Variants in ALK observed in about 807,000 individuals in gnomAD.
ALK encodes the protein ALK tyrosine kinase receptor.
A neutral mutation model predicts 163.1 loss-of-function variants in ALK; 74 were observed. That is an observed-to-expected ratio of 0.45 (90% confidence interval 0.38 to 0.55). The LOEUF (loss-of-function observed/expected upper bound fraction) is 0.55. ALK is among the 20% of genes least tolerant of loss of function. The pLI is 0.00. For missense variants in ALK, 2,063 were observed against 2,105.3 expected (o/e 0.98, Z 0.39); for synonymous variants, 960 against 843.2 (o/e 1.14, Z -2.40).
At chr2:29,855,290 G>A (rs1666111610) in intron 1 of ALK, among the ~76,000 whole-genome samples, 1 of 152,090 alleles carries the variant, frequency 6.6e-6, no homozygotes, top group South Asian at 2.1e-4. Flanking sequence ...AAGGCTCTTA[G>A]GTTAAGAGAC....
At chr2:29,414,154 T>C (rs987604374) in intron 4 of ALK, among the ~76,000 whole-genome samples, 7 of 152,364 alleles carry the variant, frequency 4.6e-5, no homozygotes, top group African/African-American at 1.7e-4. Context: ...AACTTCATTA[T>C]AGTCTTATGG....
chr2:29,576,435 C>T (rs745333756), intron 3 of ALK, among the ~76,000 whole-genome samples: 1 of 152,350 alleles, frequency 6.6e-6, no homozygotes, highest in Middle Eastern at 3.4e-3. Flanking sequence ...GGCAAATGCC[C>T]TCAACTGTCA....
At chr2:29,752,385 T>C (rs1369598500) in intron 1 of ALK, among the ~76,000 whole-genome samples, 1 of 147,380 alleles carries the variant, frequency 6.8e-6, no homozygotes, top group Non-Finnish European at 1.5e-5. Flanking sequence ...AGTTTCGCTC[T>C]GTCGCCCAGG....
intron 1 of ALK, among the ~76,000 whole-genome samples, chr2:29,814,373 G>A (rs761259828): frequency 1.3e-5 from 2 of 151,882 alleles, no homozygotes; most frequent in Non-Finnish European, 2.9e-5. Context: ...AGTCAGGCAT[G>A]ACCAAGGCCG....
At chr2:29,412,429 G>A (rs1669747011) in intron 4 of ALK, among the ~76,000 whole-genome samples, 1 of 152,110 alleles carries the variant, frequency 6.6e-6, no homozygotes, top group Admixed American at 6.6e-5. Flanking sequence ...TCCAGCTCTA[G>A]TCTGCACCAT....
In ALK at chr2:29,421,828, A is replaced by G. The variant is rs975440075; in HGVS notation, c.1155-37969T>C. On this transcript the variant is annotated intron_variant, in intron 4 of 28. Coordinates refer to ENST00000389048, the MANE Select transcript of ALK (RefSeq NM_004304.5). The stretch of plus-strand genomic sequence containing the variant: ...AGTGGGGATAAAGAAGAACCCTTGA[A>G]TTTAAACCTTCCTCCAGAGCCCCAT... Among the ~76,000 whole-genome samples the G allele has an allele frequency of 9.2e-5, 14 of 151,660 alleles. 1 individual carries two copies. Among genetic ancestry groups the G allele is most frequent in the African/African-American group, 3.4e-4 (14 of 40,910 alleles).
intron 3 of ALK, among the ~76,000 whole-genome samples, chr2:29,569,680 G>A (rs1674299496): frequency 6.6e-6 from 1 of 152,166 alleles, no homozygotes; most frequent in Non-Finnish European, 1.5e-5. Context: ...GGCACCAGAG[G>A]GCTCTGGTGG....
chr2:29,613,090 T>C (rs1675740605), intron 3 of ALK, among the ~76,000 whole-genome samples: 1 of 152,240 alleles, frequency 6.6e-6, no homozygotes, highest in South Asian at 2.1e-4. Flanking sequence ...TCATGAATTC[T>C]AGTCCTATTT....
chr2:29,844,859 GCA>G (rs34706620), intron 1 of ALK, among the ~76,000 whole-genome samples: 3,816 of 148,706 alleles, frequency 0.026, 164 homozygotes, highest in African/African-American at 0.083. Context: ...TAACCCCCCT[GCA>G]CACACACACA....
intron 3 of ALK, among the ~76,000 whole-genome samples, chr2:29,597,088 A>G (rs896565398): frequency 3.3e-5 from 5 of 151,994 alleles, no homozygotes; most frequent in African/African-American, 1.2e-4. Context: ...AAAAAATAGC[A>G]CTCCCTCAGA....
chr2:29,556,019 G>C (rs997184247), intron 3 of ALK, among the ~76,000 whole-genome samples: 2 of 152,206 alleles, frequency 1.3e-5, no homozygotes, highest in Non-Finnish European at 2.9e-5. Flanking sequence ...CAAGAGGCTG[G>C]ATTTGAAATC....
At chr2:29,292,664 T>C (rs1333098950) in intron 9 of ALK, among the ~76,000 whole-genome samples, 1 of 152,230 alleles carries the variant, frequency 6.6e-6, no homozygotes, top group Non-Finnish European at 1.5e-5. Flanking sequence ...TTTATCTGTA[T>C]TCAGAGGACA....
chr2:29,213,374 T>C (rs1212129375), intron 24 of ALK, among the ~76,000 whole-genome samples: 2 of 152,222 alleles, frequency 1.3e-5, no homozygotes, highest in Non-Finnish European at 2.9e-5. Flanking sequence ...CAGAGTATTT[T>C]AGAAAAAATT....
intron 5 of ALK, among the ~76,000 whole-genome samples, chr2:29,372,368 G>A (rs1007566496): frequency 1.3e-5 from 2 of 152,178 alleles, no homozygotes; most frequent in Non-Finnish European, 2.9e-5. Flanking sequence ...TCACTTCACC[G>A]ATCCTGAGTT....
In ALK at chr2:29,443,430, G is replaced by A. The variant is rs566404536; in HGVS notation, c.1155-59571C>T. Among the ~76,000 whole-genome samples, 9 of 152,284 alleles carry A rather than the reference G, an allele frequency of 5.9e-5. No individual in the cohort carries two copies. The South Asian group carries it at 1.2e-3, about 21-fold the overall frequency. On this transcript the variant is annotated intron_variant, in intron 4 of 28. Coordinates refer to ENST00000389048, the MANE Select transcript of ALK (RefSeq NM_004304.5). Reference sequence around the variant, plus strand: ...TTCTGCTGCCGCCCAGGAGTGCCCCGTATGTAAGGCCAAATAAACTCATCT... The same window carrying A: ...TTCTGCTGCCGCCCAGGAGTGCCCCATATGTAAGGCCAAATAAACTCATCT...
chr2:29,255,809 G>T (rs771101502), intron 11 of ALK, among the ~76,000 whole-genome samples: 2 of 152,118 alleles, frequency 1.3e-5, no homozygotes, highest in Non-Finnish European at 2.9e-5. Context: ...TGCATAAGGG[G>T]ACTCTTGTTA....
intron 3 of ALK, among the ~76,000 whole-genome samples, chr2:29,661,268 A>C (rs1677338081): frequency 6.6e-6 from 1 of 152,172 alleles, no homozygotes; most frequent in South Asian, 2.1e-4. Flanking sequence ...GTCTGACTTC[A>C]CTGTCTCCAG....
intron 19 of ALK, among the ~76,000 whole-genome samples, chr2:29,225,130 T>C (rs913852740): frequency 1.3e-5 from 2 of 151,918 alleles, no homozygotes; most frequent in African/African-American, 4.8e-5. Context: ...TGGAAGCATG[T>C]GGGAGCTAGA....
chr2:29,205,771 C>G (rs991021603), intron 26 of ALK, among the ~76,000 whole-genome samples: 1 of 152,114 alleles, frequency 6.6e-6, no homozygotes, highest in African/African-American at 2.4e-5. Flanking sequence ...CTGCCCCACT[C>G]TAGTATCCTC....
Sources: allele counts gnomAD v4.1 joint callset (sites outside exome capture counted in the v4.1 genomes callset), GRCh38; gene constraint gnomAD v4.1.1; transcripts MANE v1.5; gene names NCBI Gene and HGNC (gene_info 2026-07-23, HGNC 2026-07-21).